Variants in ZNF114 observed in about 807,000 individuals in gnomAD.
ZNF114 encodes the protein zinc finger protein 114.
A neutral mutation model predicts 6.8 loss-of-function variants in ZNF114; 8 were observed. The ratio of observed to expected loss-of-function variants is 1.18; its 90% CI spans 0.69 to 2.13. ZNF114 has a LOEUF of 2.13. Ranked by LOEUF, ZNF114 falls within the 30% of genes most tolerant of loss-of-function variation. The probability of loss-of-function intolerance (pLI) is 0.00; values close to 1 mark genes in which losing one functional copy is unlikely to be tolerated. For synonymous variants in ZNF114, 169 were observed against 185.5 expected, an observed-to-expected ratio of 0.91 and a Z score of 0.72; for missense variants, 472 against 519.5, an observed-to-expected ratio of 0.91 and a Z score of 0.89.
chr19:48,273,758 T>TTTTTTC (rs1967743231), intron 3 of ZNF114, among the ~76,000 whole-genome samples: 1 of 38,958 alleles, frequency 2.6e-5, no homozygotes, highest in Non-Finnish European at 6.7e-5. Flanking sequence ...GGGGCTTTTC[T>TTTTTTC]TTTTTTTTTT....
intron 5 of ZNF114, 107 bp downstream of exon 5, chr19:48,282,604 G>A (rs1322570091): frequency 6.5e-6 from 9 of 1,374,640 alleles, no homozygotes; most frequent in Non-Finnish European, 8.7e-6. Context: ...AAATTCCAGA[G>A]ACACAGCTGC....
intron 3 of ZNF114, among the ~76,000 whole-genome samples, chr19:48,272,410 T>A (rs1967683690): frequency 1.9e-5 from 1 of 52,602 alleles, no homozygotes; most frequent in African/African-American, 7.2e-5. Context: ...AGACTCTGTC[T>A]CAAAAAAAAA....
chr19:48,272,596 C>T (rs968176332), intron 3 of ZNF114, among the ~76,000 whole-genome samples: 2 of 133,828 alleles, frequency 1.5e-5, no homozygotes, highest in African/African-American at 5.7e-5. Flanking sequence ...ATCGCTTCTA[C>T]CTGGGAGGTG....
At chr19:48,280,106 G>A (rs1052540168) in intron 4 of ZNF114, among the ~76,000 whole-genome samples, 20 of 152,192 alleles carry the variant, frequency 1.3e-4, no homozygotes, top group Non-Finnish European at 7.4e-5. Flanking sequence ...TCTTTGGTGG[G>A]GTGCAGTGGC....
chr19:48,281,587 G>C (rs36080665), intron 4 of ZNF114: 6,019 of 150,208 alleles, frequency 0.04, 225 homozygotes, highest in Middle Eastern at 0.14. Flanking sequence ...ACTGCAGTGG[G>C]AGGATCATAG....
chr19:48,276,224 C>T (rs1243463188), intron 3 of ZNF114, among the ~76,000 whole-genome samples: 10 of 151,490 alleles, frequency 6.6e-5, no homozygotes, highest in African/African-American at 1.5e-4. Flanking sequence ...GGATTACAGG[C>T]GTGTGCCACC....
rs918650652 is a variant in ZNF114 at position 48,279,815 on chromosome 19, T to A, written c.9+7T>A. The A allele has an allele frequency of 1.9e-6, 3 of 1,613,816 alleles. No homozygotes were observed. The Admixed American group carries it at 5.0e-5, about 27-fold the overall frequency. ...GGTGACAAATATGTCCCAGGTAAGT[T>A]GGCAGCTCACCCTCTCCCAGAAGCG... On this transcript the variant is annotated splice_region_variant and intron_variant, in intron 4 of 5. Coordinates refer to ENST00000595607, the MANE Select transcript of ZNF114 (RefSeq NM_153608.4).
At chr19:48,278,694 C>A (rs1967912743) in intron 3 of ZNF114, among the ~76,000 whole-genome samples, 1 of 152,178 alleles carries the variant, frequency 6.6e-6, no homozygotes. Context: ...CTAATTCCAG[C>A]ACTTTGGGAG....
At chr19:48,272,381 C>T (rs1321140656) in intron 3 of ZNF114, among the ~76,000 whole-genome samples, 16 of 137,188 alleles carry the variant, frequency 1.2e-4, no homozygotes, top group East Asian at 2.1e-4. Flanking sequence ...CATTGCACTC[C>T]AGCCTGGGCG....
chr19:48,278,422 C>G (rs113458755), intron 3 of ZNF114, among the ~76,000 whole-genome samples: 1 of 152,122 alleles, frequency 6.6e-6, no homozygotes, highest in Non-Finnish European at 1.5e-5. Flanking sequence ...TCTATAGATT[C>G]GCCTATTCTG....
At chr19:48,278,814 G>T (rs759869504) in intron 3 of ZNF114, among the ~76,000 whole-genome samples, 7 of 152,124 alleles carry the variant, frequency 4.6e-5, no homozygotes, top group Non-Finnish European at 8.8e-5. Context: ...GTGATGGCAG[G>T]CACCTGTAAT....
chr19:48,276,765 C>A (rs1336116635), intron 3 of ZNF114, among the ~76,000 whole-genome samples: 2 of 152,190 alleles, frequency 1.3e-5, no homozygotes, highest in East Asian at 3.9e-4. Flanking sequence ...CTCAAGTGAT[C>A]CTCCTGCCTC....
chr19:48,271,216 C>T (rs918619312), intron 1 of ZNF114, 29 bp from the exon 2 acceptor site: 1 of 152,196 alleles, frequency 6.6e-6, no homozygotes, highest in African/African-American at 2.4e-5. Context: ...TGGAGACTCC[C>T]CAACCTGTCT....
At chr19:48,278,093 G>A (rs547759644) in intron 3 of ZNF114, among the ~76,000 whole-genome samples, 45 of 151,940 alleles carry the variant, frequency 3.0e-4, no homozygotes, top group African/African-American at 1.0e-3. Context: ...GCGCCACCAC[G>A]CCCGGTTAAT....
At chr19:48,277,794 G>GGGTGTGTGTGTGTGTGTGTGTGTGTGT (rs1330052475) in intron 3 of ZNF114, among the ~76,000 whole-genome samples, 1 of 119,338 alleles carries the variant, frequency 8.4e-6, no homozygotes, top group African/African-American at 3.3e-5. Flanking sequence ...GGAGGCATTG[G>GGGTGTGTGTGTGTGTGTGTGTGTGTGT]GTGTGTGTGT....
intron 3 of ZNF114, among the ~76,000 whole-genome samples, chr19:48,275,459 A>ACACACACACACAC (rs1967804611): frequency 2.6e-5 from 2 of 75,890 alleles, no homozygotes; most frequent in Non-Finnish European, 5.7e-5. Context: ...CACACACACA[A>ACACACACACACAC]AATAGCCAGG....
Position 48,286,249 on chromosome 19 carries a change from C to CAT in ZNF114, c.629_630dup (p.Arg211TyrfsTer111). The CAT allele has an allele frequency of 6.2e-7, 1 of 1,614,188 alleles. No individual in the cohort carries two copies. ...GACTGGCAGTCAGAACACTGTGCAT[C>CAT]ATATACGTGATGAAATTGATACGGG... On this transcript the variant is annotated frameshift_variant, in exon 6 of 6. Coordinates refer to ENST00000595607, the MANE Select transcript of ZNF114 (RefSeq NM_153608.4). LOFTEE classifies it low-confidence loss of function (END_TRUNC).
chr19:48,285,592 AAAGAAAGGAAGG>A (rs1414378007), intron 5 of ZNF114, among the ~76,000 whole-genome samples, 157 bp from the exon 6 acceptor site: 10 of 149,854 alleles, frequency 6.7e-5, no homozygotes, highest in Non-Finnish European at 1.0e-4. Flanking sequence ...AAGAGAAAAG[AAAGAAAGGAAGG>A]AAGGAAGGAA....
intron 4 of ZNF114, among the ~76,000 whole-genome samples, chr19:48,281,206 C>T (rs1967979871): frequency 6.6e-6 from 1 of 152,204 alleles, no homozygotes; most frequent in Admixed American, 6.5e-5. Flanking sequence ...TGTACCTCTT[C>T]CTGTTGCATT....
Sources: allele counts gnomAD v4.1 joint callset (sites outside exome capture counted in the v4.1 genomes callset), GRCh38; gene constraint gnomAD v4.1.1; transcripts MANE v1.5; gene names NCBI Gene and HGNC (gene_info 2026-07-23, HGNC 2026-07-21).